The following PHTF2 variants were observed in gnomAD, a reference collection of about 807,000 sequenced individuals.
PHTF2 encodes protein PHTF2.
A neutral mutation model predicts 101.2 loss-of-function variants in PHTF2; 60 were observed. That is an observed-to-expected ratio of 0.59 (90% CI 0.48 to 0.73). The LOEUF (loss-of-function observed/expected upper bound fraction) is 0.73. PHTF2 is among the 30% of genes least tolerant of loss of function. The pLI, the probability that PHTF2 is intolerant of heterozygous loss-of-function variation, is 0.00. For synonymous variants in PHTF2, 311 were observed against 307.3 expected, an observed-to-expected ratio of 1.01 and a Z score of -0.13; for missense variants, 747 against 908.7, an observed-to-expected ratio of 0.82 and a Z score of 2.29.
chr7:77,897,478 C>T (rs751670091), intron 5 of PHTF2, among the ~76,000 whole-genome samples: 1 of 151,318 alleles, frequency 6.6e-6, no homozygotes, highest in Non-Finnish European at 1.5e-5. Context: ...GTGCTTGTTT[C>T]TACTTTCTAG....
At chr7:77,916,868 AG>A (rs1410926878) in intron 9 of PHTF2, among the ~76,000 whole-genome samples, 3 of 152,214 alleles carry the variant, frequency 2.0e-5, no homozygotes, top group African/African-American at 4.8e-5. Context: ...GTGCAAGCAT[AG>A]TAAGCCTAAC....
At chr7:77,871,481 T>A (rs1798512886) in intron 3 of PHTF2, among the ~76,000 whole-genome samples, 1 of 152,146 alleles carries the variant, frequency 6.6e-6, no homozygotes, top group African/African-American at 2.4e-5. Context: ...AACTAAGACC[T>A]CCAGGCCAGG....
At chr7:77,947,826 C>CTTTCTTTTTTTTTTT (rs1562976127) in intron 16 of PHTF2, among the ~76,000 whole-genome samples, 6 of 86,942 alleles carry the variant, frequency 6.9e-5, no homozygotes, top group African/African-American at 1.9e-4. Flanking sequence ...TTTCTTTTTT[C>CTTTCTTTTTTTTTTT]TTTTTTCTTT....
chr7:77,839,003 A>C (rs1451098477), intron 1 of PHTF2, among the ~76,000 whole-genome samples: 5 of 152,114 alleles, frequency 3.3e-5, no homozygotes, highest in Non-Finnish European at 7.4e-5. Flanking sequence ...AAAAGCATGC[A>C]TGCTCCCACT....
At chr7:77,910,091 T>A in intron 8 of PHTF2, 154 bp from the exon 8 acceptor site, 1 of 588,540 alleles carries the variant, frequency 1.7e-6, no homozygotes, top group South Asian at 2.5e-5. Context: ...TGCATCATGA[T>A]ATTTGGATTA....
intron 3 of PHTF2, among the ~76,000 whole-genome samples, chr7:77,871,417 T>C (rs7786368): frequency 0.42 from 64,361 of 151,954 alleles, 14,022 homozygotes; most frequent in African/African-American, 0.51. Flanking sequence ...GTGGCAATCT[T>C]AACTTCCAGT....
chr7:77,841,726 T>C (rs1795902704), intron 2 of PHTF2, among the ~76,000 whole-genome samples: 1 of 152,246 alleles, frequency 6.6e-6, no homozygotes, highest in Admixed American at 6.5e-5. Flanking sequence ...TACTATTAAT[T>C]GTCTTTTGTG....
chr7:77,954,610 G>GTGTATATA (rs1373443147), intron 19 of PHTF2, among the ~76,000 whole-genome samples: 3 of 82,534 alleles, frequency 3.6e-5, no homozygotes, highest in African/African-American at 2.0e-4. Context: ...AACAAGTACT[G>GTGTATATA]TGTATATATA....
intron 5 of PHTF2, among the ~76,000 whole-genome samples, chr7:77,900,298 C>G: frequency 6.6e-6 from 1 of 152,146 alleles, no homozygotes; most frequent in South Asian, 2.1e-4. Context: ...TGATTTACTG[C>G]TTTCTGAAAT....
intron 1 of PHTF2, among the ~76,000 whole-genome samples, chr7:77,824,881 AAAC>A (rs1794587419): frequency 1.3e-5 from 2 of 152,142 alleles, no homozygotes; most frequent in Non-Finnish European, 2.9e-5. Context: ...AAAAAAAAAA[AAAC>A]GTTAGCCGAG....
Position 77,915,674 on chromosome 7 carries a change from G to A in PHTF2, c.777-4605G>A, listed in dbSNP as rs186247443. Among the ~76,000 whole-genome samples the A allele has an allele frequency of 1.1e-3, 168 of 152,138 alleles. 1 individual carries two copies. Among genetic ancestry groups the A allele is most frequent in the African/African-American group, 3.8e-3 (159 of 41,500 alleles). On this transcript the variant is annotated intron_variant, in intron 9 of 19. Transcript: ENST00000416283. ...TGCAGTCACTAATAACAGCAGAGCC[G>A]GGAGGCCACCACTCTCGGGCCAGAG... is the stretch of plus-strand genomic sequence containing the variant.
intron 3 of PHTF2, among the ~76,000 whole-genome samples, chr7:77,881,149 A>G (rs905393176): frequency 1.3e-5 from 2 of 152,184 alleles, no homozygotes; most frequent in Non-Finnish European, 2.9e-5. Context: ...CATTGACATT[A>G]ATGTATTTAA....
At chr7:77,910,484 T>A in intron 9 of PHTF2, 75 bp downstream of exon 8, 1 of 1,000,412 alleles carries the variant, frequency 1.0e-6, no homozygotes, top group Non-Finnish European at 1.5e-6. Flanking sequence ...TCTCAGGTAA[T>A]GAATATTAAT....
At chr7:77,914,065 CAA>C (rs777175186) in intron 9 of PHTF2, among the ~76,000 whole-genome samples, 3,132 of 68,648 alleles carry the variant, frequency 0.046, 46 homozygotes, top group Middle Eastern at 0.15. Context: ...GACTCTGTCT[CAA>C]AAAAAAAAAA....
intron 5 of PHTF2, among the ~76,000 whole-genome samples, chr7:77,899,728 TG>T (rs1420627894): frequency 3.3e-5 from 5 of 152,164 alleles, no homozygotes; most frequent in African/African-American, 1.2e-4. Flanking sequence ...TTTACTTTGA[TG>T]GGGGGTGTCA....
At chr7:77,940,385 C>A in intron 14 of PHTF2, 83 bp downstream of exon 13, 1 of 1,318,992 alleles carries the variant, frequency 7.6e-7, no homozygotes, top group East Asian at 2.4e-5. Flanking sequence ...TTTATTATTT[C>A]ATTATATCAT....
In PHTF2 at chr7:77,809,289, C is replaced by T. The variant is rs184575711; in HGVS notation, c.-36+10318C>T. Reference sequence around the variant, plus strand: ...TCACCCAGGCTGGAGTACAGTGGAGCGATCTTGGCTCACTGCAACCTCCGC... The same window carrying T: ...TCACCCAGGCTGGAGTACAGTGGAGTGATCTTGGCTCACTGCAACCTCCGC... On this transcript the variant is annotated intron_variant, in intron 1 of 19. Transcript: ENST00000416283. Among the ~76,000 whole-genome samples the T allele has an allele frequency of 1.4e-3, 191 of 136,798 alleles. 1 individual carries two copies. Among genetic ancestry groups the T allele is most frequent in the African/African-American group, 5.0e-3 (175 of 34,808 alleles). 89.7% of individuals were successfully genotyped at this position (136,798 alleles called of 152,430 possible). A position where few individuals can be genotyped will look rare whatever the true frequency, so the allele number is the denominator to read the frequency against.
At chr7:77,884,082 A>G (rs1249925302) in intron 3 of PHTF2, among the ~76,000 whole-genome samples, 1 of 152,220 alleles carries the variant, frequency 6.6e-6, no homozygotes, top group African/African-American at 2.4e-5. Context: ...ATAAAAATCC[A>G]GGTATCTTAA....
At chr7:77,822,071 CG>C (rs1246543782) in intron 1 of PHTF2, among the ~76,000 whole-genome samples, 1 of 152,144 alleles carries the variant, frequency 6.6e-6, no homozygotes, top group Non-Finnish European at 1.5e-5. Flanking sequence ...TGCTTAGAGA[CG>C]TGGGGGGCAC....
Sources: gnomAD v4.1 joint callset for allele counts (sites outside exome capture counted in the v4.1 genomes callset) on GRCh38, gnomAD v4.1.1 for gene constraint, MANE v1.5 for transcripts, NCBI Gene and HGNC (gene_info 2026-07-23, HGNC 2026-07-21) for gene names.